The following DSE variants were observed in gnomAD, a reference collection of about 807,000 sequenced individuals.
DSE encodes dermatan-sulfate epimerase.
Under a neutral mutation model 84.4 loss-of-function variants are expected in DSE, and 36 were observed. The ratio of observed to expected loss-of-function variants is 0.43; its 90% CI spans 0.33 to 0.56. DSE has a LOEUF of 0.56. DSE is among the 20% of genes least tolerant of loss of function. The pLI is 0.06. For missense variants in DSE, 862 were observed against 1,169.6 expected, an observed-to-expected ratio of 0.74 and a Z score of 3.84; for synonymous variants, 410 against 430.1, an observed-to-expected ratio of 0.95 and a Z score of 0.58.
intron 2 of DSE, among the ~76,000 whole-genome samples, chr6:116,282,023 C>A (rs1773573798): frequency 6.6e-6 from 1 of 152,226 alleles, no homozygotes; most frequent in Non-Finnish European, 1.5e-5. Context: ...GTATGACAAA[C>A]GAACTCTGAA....
At position 116,294,833 on chromosome 6, in the gene DSE, T is replaced by C. The variant is rs549398776; in HGVS notation, c.-54+35866T>C. On this transcript the variant is annotated intron_variant, in intron 2 of 3. Coordinates refer to the DSE transcript ENST00000430252. ...TCTCCTCCAATTTCCTCTCACCCCA[T>C]CTTTATTACCAATTACCAGTGGAAA... 3.9e-5 allele frequency among the ~76,000 whole-genome samples: 6 copies of C among 152,170 alleles called. No individual in the cohort carries two copies. In the South Asian group the frequency reaches 1.2e-3, roughly 32 times the overall value.
intron 2 of DSE, among the ~76,000 whole-genome samples, chr6:116,270,615 A>G (rs934571961): frequency 5.3e-5 from 8 of 151,838 alleles, no homozygotes; most frequent in African/African-American, 1.9e-4. Context: ...TAGATATAAA[A>G]AATTACATTT....
At chr6:116,386,219 A>G (rs1202651039) in intron 1 of DSE, among the ~76,000 whole-genome samples, 1 of 152,244 alleles carries the variant, frequency 6.6e-6, no homozygotes. Flanking sequence ...TGGTGAAAGT[A>G]TCACATTTTC....
intron 2 of DSE, among the ~76,000 whole-genome samples, chr6:116,420,618 A>G (rs1783010747): frequency 6.6e-6 from 1 of 152,240 alleles, no homozygotes; most frequent in Non-Finnish European, 1.5e-5. Flanking sequence ...CTGTTGTTTA[A>G]GCTACCCAGT....
intron 1 of DSE, among the ~76,000 whole-genome samples, chr6:116,398,293 T>A (rs1781380662): frequency 1.3e-5 from 2 of 152,194 alleles, no homozygotes; most frequent in Non-Finnish European, 2.9e-5. Context: ...AAGATGTTCT[T>A]TTAACCAGTG....
intron 2 of DSE, among the ~76,000 whole-genome samples, chr6:116,341,350 T>C (rs1777580139): frequency 6.6e-6 from 1 of 152,210 alleles, no homozygotes; most frequent in Non-Finnish European, 1.5e-5. Context: ...GTAAATTTGT[T>C]TGAGTTCTTT....
chr6:116,316,823 CTACTAT>C (rs1251445162), intron 2 of DSE, among the ~76,000 whole-genome samples: 1 of 88,318 alleles, frequency 1.1e-5, no homozygotes, highest in South Asian at 5.5e-4. Context: ...ACTACTACTA[CTACTAT>C]TATTATTATT....
At chr6:116,435,239 C>T (rs1292074017) in intron 5 of DSE, among the ~76,000 whole-genome samples, 1 of 152,116 alleles carries the variant, frequency 6.6e-6, no homozygotes, top group Admixed American at 6.6e-5. Context: ...AAGAGGAGCC[C>T]CTCAACCAGA....
chr6:116,370,841 G>C (rs1779493853), upstream of DSE: 1 of 985,500 alleles, frequency 1.0e-6, no homozygotes, highest in African/African-American at 1.7e-5. Flanking sequence ...TCTGGCTCTG[G>C]TGACGTTGCG....
intron 2 of DSE, among the ~76,000 whole-genome samples, chr6:116,418,441 G>T (rs1479638703): frequency 6.6e-6 from 1 of 152,204 alleles, no homozygotes; most frequent in Non-Finnish European, 1.5e-5. Flanking sequence ...CTACCTTAGA[G>T]TAGTACATTA....
intron 2 of DSE, among the ~76,000 whole-genome samples, chr6:116,409,131 C>T (rs1178644812): frequency 6.6e-6 from 1 of 152,200 alleles, no homozygotes; most frequent in African/African-American, 2.4e-5. Context: ...TGAAACAGTA[C>T]ATAGCATAAT....
At chr6:116,366,797 C>T (rs1346814874), upstream of DSE, 3 of 152,316 alleles carry the variant, frequency 2.0e-5, no homozygotes, top group Non-Finnish European at 4.4e-5. Context: ...GGGAAATTCA[C>T]TTTAACTTTC....
intron 2 of DSE, among the ~76,000 whole-genome samples, chr6:116,410,733 C>A (rs1261278873): frequency 1.5e-4 from 12 of 79,604 alleles, no homozygotes; most frequent in South Asian, 4.9e-4. Context: ...GACTCTGTCT[C>A]AAAAAAAAAA....
intron 1 of DSE, among the ~76,000 whole-genome samples, chr6:116,384,329 A>G (rs996173593): frequency 6.6e-6 from 1 of 152,214 alleles, no homozygotes; most frequent in Admixed American, 6.5e-5. Flanking sequence ...GGACTCATGA[A>G]ATCTATCCTT....
chr6:116,365,728 A>T (rs981395439), upstream of DSE, among the ~76,000 whole-genome samples: 3 of 152,226 alleles, frequency 2.0e-5, no homozygotes, highest in African/African-American at 7.2e-5. Context: ...CTAAGAGTAC[A>T]ACTAGGCATT....
chr6:116,356,200 T>A (rs756288697), intron 2 of DSE, among the ~76,000 whole-genome samples: 1 of 152,220 alleles, frequency 6.6e-6, no homozygotes, highest in Admixed American at 6.5e-5. Context: ...ATTTTTAAGT[T>A]CCTCCAGTAA....
At chr6:116,305,234 G>A (rs577965357) in intron 2 of DSE, among the ~76,000 whole-genome samples, 16 of 151,334 alleles carry the variant, frequency 1.1e-4, no homozygotes, top group Non-Finnish European at 2.1e-4. Flanking sequence ...CATCCCAGTA[G>A]CATCTTAGCT....
At chr6:116,370,802 C>A, upstream of DSE, 2 of 981,086 alleles carry the variant, frequency 2.0e-6, no homozygotes, top group Non-Finnish European at 2.4e-6. Flanking sequence ...GGAGGGGGTC[C>A]CCGTTTCCCT....
intron 2 of DSE, among the ~76,000 whole-genome samples, chr6:116,415,523 T>C (rs1056239785): frequency 6.6e-6 from 1 of 151,140 alleles, no homozygotes; most frequent in African/African-American, 2.4e-5. Flanking sequence ...CTCCTTTTCT[T>C]CCCCCTTTTT....
Sources: gnomAD v4.1 joint callset for allele counts (sites outside exome capture counted in the v4.1 genomes callset) on GRCh38, gnomAD v4.1.1 for gene constraint, MANE v1.5 for transcripts, NCBI Gene and HGNC (gene_info 2026-07-23, HGNC 2026-07-21) for gene names.